PTN: variants seen among roughly 807,000 people sequenced by gnomAD.
The protein encoded by PTN is pleiotrophin, also known as heparin affin regulatory protein.
PTN carries 18 observed loss-of-function variants against 24.1 expected under a neutral mutation model. That is an observed-to-expected ratio of 0.75 (90% CI 0.52 to 1.11). The LOEUF is 1.11. Ranked by LOEUF, PTN falls within the 50% of genes least tolerant of loss-of-function variation. The pLI is 0.00. For missense variants in PTN, 163 were observed against 198.8 expected, an observed-to-expected ratio of 0.82 and a Z score of 1.08; for synonymous variants, 78 against 68.6, an observed-to-expected ratio of 1.14 and a Z score of -0.67.
intron 1 of PTN, among the ~76,000 whole-genome samples, chr7:137,317,524 C>G (rs1022962265): frequency 6.6e-6 from 1 of 152,152 alleles, no homozygotes; most frequent in Non-Finnish European, 1.5e-5. Context: ...CGAGTGCCAT[C>G]TTTGGGAAAT....
chr7:137,306,507 C>T (rs928364045), intron 1 of PTN, among the ~76,000 whole-genome samples: 2 of 152,112 alleles, frequency 1.3e-5, no homozygotes, highest in East Asian at 3.9e-4. Flanking sequence ...AGTTTCCCAC[C>T]CCCTGGGAGC....
chr7:137,299,379 C>T (rs1196307107), intron 1 of PTN, among the ~76,000 whole-genome samples: 2 of 151,744 alleles, frequency 1.3e-5, no homozygotes, highest in African/African-American at 2.4e-5. Context: ...AGGGGATGAC[C>T]GTTAGTCCCC....
chr7:137,268,308 A>G (rs955622232), intron 1 of PTN, among the ~76,000 whole-genome samples: 2 of 152,046 alleles, frequency 1.3e-5, no homozygotes, highest in African/African-American at 4.8e-5. Context: ...AGCTGCCTGG[A>G]CCGTCCATTA....
intron 1 of PTN, among the ~76,000 whole-genome samples, chr7:137,262,496 AAAC>A (rs1809059413): frequency 1.3e-5 from 2 of 151,998 alleles, no homozygotes; most frequent in African/African-American, 4.8e-5. Flanking sequence ...ACTCATTTTG[AAAC>A]AGTAGGTTAC....
chr7:137,284,403 T>C (rs1809522935), intron 1 of PTN, among the ~76,000 whole-genome samples: 1 of 152,164 alleles, frequency 6.6e-6, no homozygotes, highest in Admixed American at 6.5e-5. Context: ...TAACTTTCTT[T>C]CCTTGGAAGC....
chr7:137,247,234 T>C (rs950497750), intron 4 of PTN, among the ~76,000 whole-genome samples: 2 of 152,202 alleles, frequency 1.3e-5, no homozygotes, highest in African/African-American at 4.8e-5. Flanking sequence ...GTTGCAGCAC[T>C]GTCTATGATA....
intron 4 of PTN, among the ~76,000 whole-genome samples, chr7:137,231,988 GT>G (rs1272606051): frequency 6.6e-6 from 1 of 151,928 alleles, no homozygotes; most frequent in Non-Finnish European, 1.5e-5. Context: ...TTAAAGCCAA[GT>G]GCTTTTTTAT....
intron 1 of PTN, among the ~76,000 whole-genome samples, chr7:137,263,324 C>T (rs1343842228): frequency 6.6e-6 from 1 of 152,140 alleles, no homozygotes; most frequent in Admixed American, 6.5e-5. Context: ...CCAGTTTTGT[C>T]ATATTTTTAA....
At chr7:137,317,888 T>C (rs1810099569) in intron 1 of PTN, among the ~76,000 whole-genome samples, 1 of 152,140 alleles carries the variant, frequency 6.6e-6, no homozygotes, top group Non-Finnish European at 1.5e-5. Flanking sequence ...GTAAGTACCC[T>C]GGGAGTTCAA....
chr7:137,283,045 G>A (rs1483395102), intron 1 of PTN, among the ~76,000 whole-genome samples: 1 of 152,096 alleles, frequency 6.6e-6, no homozygotes, highest in Non-Finnish European at 1.5e-5. Flanking sequence ...ATATCAAAGA[G>A]CCTGAAGGCT....
rs1419554435 is a variant in PTN, at chr7:137,253,623, T to G, written c.130A>C (p.Lys44Gln). The G allele has an allele frequency of 6.5e-7, 1 of 1,544,348 alleles. No individual in the cohort carries two copies. The highest frequency in any genetic ancestry group is 1.4e-5 in the African/African-American group (1 of 73,076). ...CACTGCCATTCTCCACAGTCAGACT[T>G]CTTCACTTTTTTTTCTGAATGAAAG... ...KKEKPEKKVK[K>Q]SDCGEWQWSV... Residue 44 changes from lysine to glutamine, a missense_variant, in exon 3 of 5, where the codon AAG becomes CAG. Coordinates refer to ENST00000348225, the MANE Select transcript of PTN (RefSeq NM_002825.7).
rs869311084 is a variant in PTN, at chr7:137,269,624, A to ATTTTTTTTTTTTTTTTTTTTTTTT, written c.-1-14674_-1-14651dup. 6.3e-5 allele frequency among the ~76,000 whole-genome samples: 4 copies of ATTTTTTTTTTTTTTTTTTTTTTTT among 63,010 alleles called. 1 individual carries two copies. Among genetic ancestry groups the ATTTTTTTTTTTTTTTTTTTTTTTT allele is most frequent in the African/African-American group, 2.2e-4 (3 of 13,424 alleles). 41.3% of individuals were successfully genotyped at this position (63,010 alleles called of 152,430 possible). ...TGCTATCTGTCAAGCTGCTTCATCT[A>ATTTTTTTTTTTTTTTTTTTTTTTT]TTTTTTTTTTTTTTTTTTTTTTTTT... On this transcript the variant is annotated intron_variant, in intron 1 of 4. Transcript: ENST00000348225.
intron 1 of PTN, among the ~76,000 whole-genome samples, chr7:137,340,816 G>A (rs1398977665): frequency 1.3e-5 from 2 of 152,196 alleles, no homozygotes; most frequent in African/African-American, 4.8e-5. Flanking sequence ...CTGGGCTGAG[G>A]TGCACTCAGG....
At position 137,254,979 on chromosome 7, in the gene PTN, G is replaced by A; in HGVS notation, c.-1-5C>T. 1 of 1,515,164 alleles carries A rather than the reference G, an allele frequency of 6.6e-7. No individual in the cohort carries two copies. The highest frequency in any genetic ancestry group is 9.0e-7 in the Non-Finnish European group (1 of 1,110,922). The allele number at this position is 1,515,164 out of a possible 1,614,324, so 93.9% of individuals were successfully genotyped here. On this transcript the variant is annotated splice_region_variant and splice_polypyrimidine_tract_variant and intron_variant, in intron 1 of 4. Coordinates refer to ENST00000348225, the MANE Select transcript of PTN (RefSeq NM_002825.7). ...TGGTACTGTTGAGCCTGCATTCTAG[G>A]AATAAACAGAGAAAGAGAAGAAGGT... is the stretch of plus-strand genomic sequence containing the variant.
chr7:137,281,264 A>C (rs907786926), intron 1 of PTN, among the ~76,000 whole-genome samples: 2 of 152,174 alleles, frequency 1.3e-5, no homozygotes, highest in Non-Finnish European at 1.5e-5. Context: ...AAAAAAAAAA[A>C]ACGTAGAAAT....
At chr7:137,273,558 A>G (rs2128874748) in intron 1 of PTN, among the ~76,000 whole-genome samples, 1 of 152,336 alleles carries the variant, frequency 6.6e-6, no homozygotes, top group African/African-American at 2.4e-5. Context: ...GATACTTATG[A>G]AAACTCAAGT....
chr7:137,273,778 G>A (rs189632008), intron 1 of PTN, among the ~76,000 whole-genome samples: 131 of 152,252 alleles, frequency 8.6e-4, no homozygotes, highest in African/African-American at 2.9e-3. Flanking sequence ...AAAGACCACG[G>A]AGAGGGGAAA....
intron 1 of PTN, among the ~76,000 whole-genome samples, chr7:137,292,170 G>T (rs555179651): frequency 1.2e-4 from 18 of 152,258 alleles, no homozygotes; most frequent in Non-Finnish European, 2.4e-4. Context: ...GGTTCCAGGA[G>T]CCCTGTGGAA....
chr7:137,329,082 G>A (rs893405889), intron 1 of PTN, among the ~76,000 whole-genome samples: 5 of 152,092 alleles, frequency 3.3e-5, no homozygotes, highest in African/African-American at 1.2e-4. Context: ...TCTTGGACAA[G>A]TTACTTCTGA....
Sources: gnomAD v4.1 joint callset for allele counts (sites outside exome capture counted in the v4.1 genomes callset) on GRCh38, gnomAD v4.1.1 for gene constraint, MANE v1.5 for transcripts, NCBI Gene and HGNC (gene_info 2026-07-23, HGNC 2026-07-21) for gene names.